The following SLC30A3 variants were observed in gnomAD, a reference collection of about 807,000 sequenced individuals.
SLC30A3 encodes probable proton-coupled zinc antiporter SLC30A3.
A neutral mutation model predicts 35.6 loss-of-function variants in SLC30A3; 20 were observed. That is an observed-to-expected ratio of 0.56 (90% confidence interval 0.39 to 0.82). SLC30A3 has a LOEUF of 0.82. Ranked by LOEUF, SLC30A3 falls within the 40% of genes least tolerant of loss-of-function variation. The pLI is 0.00. For missense variants in SLC30A3, 401 were observed against 530.6 expected, an observed-to-expected ratio of 0.76 and a Z score of 2.40; for synonymous variants, 217 against 224.7, an observed-to-expected ratio of 0.97 and a Z score of 0.31.
At position 27,257,859 on chromosome 2, in the gene SLC30A3, C is replaced by A; in HGVS notation, c.578+46G>T. On this transcript the variant is annotated intron_variant, in intron 4 of 7. Transcript: ENST00000233535. This position sits in a 1 kb window ranked among gnomAD's most constrained non-coding sequence, Gnocchi z 4.7. ...AGCTCTCCCATCCTGGAGGAAGACCCCTCGCCCTGGGCCCCACAAGGTGCC... is the reference window on the plus strand; with the variant it reads ...AGCTCTCCCATCCTGGAGGAAGACCACTCGCCCTGGGCCCCACAAGGTGCC... 1 of 1,570,754 alleles carries A rather than the reference C, an allele frequency of 6.4e-7. No homozygotes were observed. Among genetic ancestry groups the A allele is most frequent in the South Asian group, 1.2e-5 (1 of 86,926 alleles).
At chr2:27,269,475 G>T (rs1417001564) in intron 1 of SLC30A3, among the ~76,000 whole-genome samples, 3 of 151,958 alleles carry the variant, frequency 2.0e-5, no homozygotes, top group Non-Finnish European at 4.4e-5. Flanking sequence ...CCAAAGTGCT[G>T]GGCTTACAGG....
At chr2:27,263,167 C>T, upstream of SLC30A3, 1 of 1,248,302 alleles carries the variant, frequency 8.0e-7, no homozygotes, top group Non-Finnish European at 1.0e-6. Context: ...AAGCCCCGCC[C>T]CCACTGCCAA....
chr2:27,263,663 C>G (rs1677346010), upstream of SLC30A3, among the ~76,000 whole-genome samples: 1 of 150,886 alleles, frequency 6.6e-6, no homozygotes, highest in Admixed American at 6.6e-5. Flanking sequence ...CCACTGTTAT[C>G]CCTGCTTTTC....
chr2:27,261,088 T>C (rs1341500487), intron 1 of SLC30A3, among the ~76,000 whole-genome samples: 1 of 152,116 alleles, frequency 6.6e-6, no homozygotes, highest in East Asian at 1.9e-4. Context: ...AAGGTATGTT[T>C]AAGGAGATGA....
At position 27,258,545 on chromosome 2, in the gene SLC30A3, C is replaced by T. The variant is rs1677000782; in HGVS notation, c.277+208G>A. 6.0e-6 allele frequency: 4 copies of T among 667,354 alleles called. No homozygotes were observed. The highest frequency in any genetic ancestry group is 2.8e-5 in the East Asian group (1 of 35,088). The allele number at this position is 667,354 out of a possible 1,614,324, so 41.3% of individuals were successfully genotyped here. On this transcript the variant is annotated intron_variant, in intron 2 of 7. Coordinates refer to ENST00000233535, the MANE Select transcript of SLC30A3 (RefSeq NM_003459.5). The surrounding 1 kb of genome is among the most constrained non-coding windows in gnomAD (Gnocchi z 4.0). The stretch of plus-strand genomic sequence containing the variant: ...ATAGGGTTTTTAAAAGAAGTCAGCC[C>T]TGACCTACTGGCCCCGGACCTCGGC...
At position 27,257,324 on chromosome 2, in the gene SLC30A3, G is replaced by A. The variant is rs748242857; in HGVS notation, c.607C>T (p.Pro203Ser). Residue 203 changes from proline to serine, a missense_variant, in exon 5 of 8, where the codon CCC becomes TCC. Coordinates refer to ENST00000233535, the MANE Select transcript of SLC30A3 (RefSeq NM_003459.5). The surrounding 1 kb of genome is among the most constrained non-coding windows in gnomAD (Gnocchi z 4.7). ...LMAFVLHQAG[P>S]PHSHGSRGAE... ...CCCCTAGACCCGTGGCTGTGGGGGG[G>A]CCCAGCCTGGTGCAGCACAAAGGCC... 6 of 1,613,084 alleles carry A rather than the reference G, an allele frequency of 3.7e-6. No individual in the cohort carries two copies. The highest frequency in any genetic ancestry group is 3.3e-4 in the Middle Eastern group (2 of 6,058).
rs748807236 is a variant in SLC30A3, at chr2:27,258,167, G to A, written c.418C>T (p.Arg140Cys). 2 of 1,594,044 alleles carry A rather than the reference G, an allele frequency of 1.3e-6. No homozygotes were observed. Among genetic ancestry groups the A allele is most frequent in the East Asian group, 2.2e-5 (1 of 44,538 alleles). ...ATRTMTFGWHRSETLGALASV... is the reference protein window; with the variant it reads ...ATRTMTFGWHCSETLGALASV... ...GGCCATGCAGGGGCCTTACCTGAAC[G>A]GTGCCAGCCAAAGGTCATGGTGCGG... is the stretch of plus-strand genomic sequence containing the variant. Residue 140 changes from arginine (R) to cysteine (C), a missense_variant, in exon 3 of 8, where the codon CGT (arginine) becomes TGT (cysteine). Coordinates refer to ENST00000233535, the MANE Select transcript of SLC30A3 (RefSeq NM_003459.5). The surrounding 1 kb of genome is among the most constrained non-coding windows in gnomAD (Gnocchi z 4.0).
chr2:27,255,604 G>T lies in SLC30A3; in HGVS notation c.1019-144C>A. 1 of 838,692 alleles carries T rather than the reference G, an allele frequency of 1.2e-6. No homozygotes were observed. The highest frequency in any genetic ancestry group is 1.8e-5 in the South Asian group (1 of 56,454). 52.0% of individuals were successfully genotyped at this position (838,692 alleles called of 1,614,324 possible). Reference sequence around the variant, plus strand: ...CTTTTCTTTCTGTATTGTATGAACAGCATAAAAGTGTCAAATCAAATGTTG... The same window carrying T: ...CTTTTCTTTCTGTATTGTATGAACATCATAAAAGTGTCAAATCAAATGTTG... On this transcript the variant is annotated intron_variant, in intron 7 of 7. Transcript: ENST00000233535. The surrounding 1 kb of genome is among the most constrained non-coding windows in gnomAD (Gnocchi z 5.2).
At chr2:27,259,978 G>C (rs962687303) in intron 1 of SLC30A3, among the ~76,000 whole-genome samples, 1 of 152,208 alleles carries the variant, frequency 6.6e-6, no homozygotes, top group Admixed American at 6.5e-5. Flanking sequence ...CATGAGAAGG[G>C]CCTTGAAGGA....
rs745860994 is a variant in SLC30A3 at position 27,258,273 on chromosome 2, G to C, written c.312C>G (p.Thr104=). The C allele has an allele frequency of 6.5e-7, 1 of 1,538,138 alleles. No individual in the cohort carries two copies. Among genetic ancestry groups the C allele is most frequent in the Non-Finnish European group, 8.8e-7 (1 of 1,141,182 alleles). ...GYLAHSLAIM[T]DAAHLLADVG... ...CATCCGCCAGCAAGTGGGCTGCATC[G>C]GTCATGATGGCCAGGCTGTGTGCCA... is the stretch of plus-strand genomic sequence containing the variant. The change falls in exon 3 of 8, where the codon ACC becomes ACG. Residue 104 remains threonine (T), a synonymous_variant. Transcript: ENST00000233535. The surrounding 1 kb of genome is among the most constrained non-coding windows in gnomAD (Gnocchi z 4.0).
chr2:27,261,665 G>C, intron 1 of SLC30A3, among the ~76,000 whole-genome samples: 1 of 152,146 alleles, frequency 6.6e-6, no homozygotes, highest in Non-Finnish European at 1.5e-5. Context: ...AGGAAAGGCT[G>C]TTTCCTCTCC....
chr2:27,263,662 T>C (rs760788643), upstream of SLC30A3, among the ~76,000 whole-genome samples: 27 of 151,200 alleles, frequency 1.8e-4, 1 homozygote, highest in Admixed American at 2.6e-4. Flanking sequence ...CCCACTGTTA[T>C]CCCTGCTTTT....
At chr2:27,256,595 C>T (rs1676870562) in intron 6 of SLC30A3, 75 bp from the exon 7 acceptor site, 6 of 1,588,102 alleles carry the variant, frequency 3.8e-6, no homozygotes, top group Non-Finnish European at 3.5e-6. Context: ...CACTGGATTC[C>T]ACCTCCCCTA....
Position 27,255,333 on chromosome 2 carries a change from G to T in SLC30A3, c.1146C>A (p.Cys382Ter). ...TGGCTCAGGCTTGGGGGGGTTCCTG[G>T]CAGCGCAGGCACTGGGCCATCTCCG... ...YQPEMAQCLRCQEPPQA is the reference protein window; with the variant it reads ...YQPEMAQCLR Residue 382 changes from cysteine to a stop codon, truncating the protein, a stop_gained, in exon 8 of 8, where the codon TGC (cysteine) becomes TGA (stop). Transcript: ENST00000233535. LOFTEE classifies it high-confidence loss of function. The surrounding 1 kb of genome is among the most constrained non-coding windows in gnomAD (Gnocchi z 5.2). 1 of 1,614,130 alleles carries T rather than the reference G, an allele frequency of 6.2e-7. No individual in the cohort carries two copies. The highest frequency in any genetic ancestry group is 1.1e-5 in the South Asian group (1 of 91,082).
At chr2:27,269,244 T>C (rs1677628078) in intron 1 of SLC30A3, among the ~76,000 whole-genome samples, 1 of 148,744 alleles carries the variant, frequency 6.7e-6, no homozygotes, top group African/African-American at 2.5e-5. Flanking sequence ...TCTTGCTCTG[T>C]TGCGAGGCTG....
rs1402786231 is a variant in SLC30A3, at chr2:27,256,426, A to G, written c.978T>C (p.Leu326=). The change falls in exon 7 of 8, where the codon CTT becomes CTC. Residue 326 remains leucine (L), a synonymous_variant. Transcript: ENST00000233535. ...CAGAGGCAACATGGTAAGTGAGCGT[A>G]AGGGCCCACAGGTGCAGCTCATGGG... ...RATHELHLWA[L]TLTYHVASAH... 69 of 1,614,004 alleles carry G rather than the reference A, an allele frequency of 4.3e-5. No homozygotes were observed. Among genetic ancestry groups the G allele is most frequent in the Non-Finnish European group, 5.8e-5 (69 of 1,180,004 alleles).
chr2:27,254,759 AACACAC>A lies in SLC30A3; in HGVS notation c.*547_*552del, dbSNP rs371039560. 0.1 allele frequency: 18,316 copies of A among 175,926 alleles called. 1,342 individuals carry two copies. The highest frequency in any genetic ancestry group is 0.24 in the African/African-American group (9,687 of 40,026). 10.9% of individuals were successfully genotyped at this position (175,926 alleles called of 1,614,324 possible). A position where few individuals can be genotyped will look rare whatever the true frequency, so the allele number is the denominator to read the frequency against. On this transcript the variant is annotated 3_prime_UTR_variant, in exon 8 of 8. Transcript: ENST00000233535. ...GAGACACACAGGCCACAGCACCAAG[AACACAC>A]ACACACACACACACACACACACACA...
At chr2:27,264,099 G>T (rs1318415701), upstream of SLC30A3, 7 of 1,278,672 alleles carry the variant, frequency 5.5e-6, no homozygotes, top group African/African-American at 9.1e-5. The surrounding 1 kb of genome is among the most constrained non-coding windows in gnomAD (Gnocchi z 6.1). Flanking sequence ...AATGGGAGGG[G>T]GTGGGAAGAG....
At chr2:27,273,773 G>A (rs1294104300) in intron 1 of SLC30A3, among the ~76,000 whole-genome samples, 4 of 149,012 alleles carry the variant, frequency 2.7e-5, no homozygotes, top group African/African-American at 9.9e-5. Flanking sequence ...TTCTTGAGGT[G>A]GAATACTGAT....
Sources: gnomAD v4.1 joint callset for allele counts (sites outside exome capture counted in the v4.1 genomes callset) on GRCh38, gnomAD v4.1.1 for gene constraint, Gnocchi (gnomAD v3.1) non-coding constraint, MANE v1.5 for transcripts, NCBI Gene and HGNC (gene_info 2026-07-23, HGNC 2026-07-21) for gene names.